The following WDR46 variants were observed in gnomAD, a reference collection of about 807,000 sequenced individuals.
The protein encoded by WDR46 is WD repeat-containing protein 46.
Under a neutral mutation model 74.7 loss-of-function variants are expected in WDR46, and 58 were observed. That is an observed-to-expected ratio of 0.78 (90% CI 0.63 to 0.97). The LOEUF (loss-of-function observed/expected upper bound fraction) is 0.97. WDR46 is among the 50% of genes least tolerant of loss of function. WDR46 has a pLI of 0.00. For missense variants in WDR46, 702 were observed against 790.1 expected (o/e 0.89, Z 1.34); for synonymous variants, 278 against 297.3 (o/e 0.93, Z 0.67).
In WDR46 at chr6:33,289,119, G is replaced by A; in HGVS notation, c.52C>T (p.Leu18Phe). 6.2e-7 allele frequency: 1 copy of A among 1,613,258 alleles called. No individual in the cohort carries two copies. The highest frequency in any genetic ancestry group is 8.5e-7 in the Non-Finnish European group (1 of 1,179,620). Residue 18 changes from leucine to phenylalanine, a missense_variant, in exon 1 of 15, where the codon CTT becomes TTT. Physicochemically the swap from Leu to Phe is conservative, Grantham distance 22. Coordinates refer to ENST00000374617, the MANE Select transcript of WDR46 (RefSeq NM_005452.6). ...GCCTCTACCTTTCTCTTGGTCTGAA[G>A]TTTGTCTTTCTTGGGCGGGACATCC... ...GKDVPPKKDK[L>F]QTKRKKPRRY...
At chr6:33,284,022 G>A (rs1766408491) in intron 10 of WDR46, among the ~76,000 whole-genome samples, 1 of 152,152 alleles carries the variant, frequency 6.6e-6, no homozygotes, top group South Asian at 2.1e-4. Flanking sequence ...GGCCGAAGCA[G>A]GTGGATCACG....
At chr6:33,280,632 C>A in intron 11 of WDR46, 42 bp downstream of exon 11, 1 of 1,595,088 alleles carries the variant, frequency 6.3e-7, no homozygotes. Context: ...AACTTCCACC[C>A]AGAGTTCATT....
At position 33,280,811 on chromosome 6, in the gene WDR46, T is replaced by TTGCCC. The variant is rs1302898077; in HGVS notation, c.1287_1291dup (p.Lys431ArgfsTer74). 1.2e-6 allele frequency: 2 copies of TTGCCC among 1,614,192 alleles called. No individual in the cohort carries two copies. Among genetic ancestry groups the TTGCCC allele is most frequent in the Admixed American group, 1.7e-5 (1 of 60,030 alleles). ...CTGTTCAAGGGAGGGTGGGCTGGCC[T>TTGCCC]TGCCCTGCCCTGCCCAGATGTTGAC... On this transcript the variant is annotated frameshift_variant, in exon 11 of 15. Transcript: ENST00000374617. LOFTEE classifies it high-confidence loss of function.
At chr6:33,282,106 T>G (rs1258276709) in intron 10 of WDR46, among the ~76,000 whole-genome samples, 1 of 151,952 alleles carries the variant, frequency 6.6e-6, no homozygotes, top group East Asian at 1.9e-4. Flanking sequence ...ACAGGTGAGG[T>G]TGGAGTTTCT....
At position 33,287,336 on chromosome 6, in the gene WDR46, G is replaced by C; in HGVS notation, c.879+19C>G. ...TCCCAAGGGCTTCCAACCAGTTCCT[G>C]AGCTCCATGGCCACTCACAGCTGTA... is the stretch of plus-strand genomic sequence containing the variant. On this transcript the variant is annotated intron_variant, in intron 8 of 14. Coordinates refer to ENST00000374617, the MANE Select transcript of WDR46 (RefSeq NM_005452.6). The C allele has an allele frequency of 1.2e-6, 2 of 1,612,872 alleles. No individual in the cohort carries two copies. Among genetic ancestry groups the C allele is most frequent in the Non-Finnish European group, 1.7e-6 (2 of 1,179,776 alleles).
intron 10 of WDR46, among the ~76,000 whole-genome samples, chr6:33,284,122 G>A (rs181576609): frequency 7.2e-5 from 11 of 151,800 alleles, no homozygotes; most frequent in South Asian, 6.3e-4. Flanking sequence ...GTTCGTGGGC[G>A]CCTGTAATCC....
chr6:33,280,571 C>G (rs1463729870), intron 11 of WDR46, 49 bp from the exon 12 acceptor site: 1 of 1,601,206 alleles, frequency 6.2e-7, no homozygotes, highest in African/African-American at 1.3e-5. Context: ...GAACCTCAGT[C>G]CAACAGCTCC....
rs1767004453 is a variant in WDR46, at chr6:33,289,016, A to G, written c.70-3T>C. On this transcript the variant is annotated splice_polypyrimidine_tract_variant and splice_region_variant and intron_variant, in intron 1 of 14. Coordinates refer to ENST00000374617, the MANE Select transcript of WDR46 (RefSeq NM_005452.6). ...TCCTCCCAGTATCGCCGCGGTTTCTACAGGCACATCAGGAACTCCGCACTC... is the reference window on the plus strand; with the variant it reads ...TCCTCCCAGTATCGCCGCGGTTTCTGCAGGCACATCAGGAACTCCGCACTC... 4 of 1,613,776 alleles carry G rather than the reference A, an allele frequency of 2.5e-6. No individual in the cohort carries two copies. The highest frequency in any genetic ancestry group is 3.3e-5 in the Admixed American group (2 of 59,970).
intron 13 of WDR46, 53 bp downstream of exon 13, chr6:33,279,711 G>A: frequency 6.2e-7 from 1 of 1,612,490 alleles, no homozygotes; most frequent in Non-Finnish European, 8.5e-7. Context: ...CCATGGTGGG[G>A]AGAGGATGTG....
intron 10 of WDR46, 152 bp from the exon 11 acceptor site, chr6:33,281,139 A>G: frequency 1.4e-6 from 1 of 737,512 alleles, no homozygotes; most frequent in Non-Finnish European, 2.2e-6. Flanking sequence ...GCATCCTCTC[A>G]GTTAAGCTGC....
rs1032331123 is a variant in WDR46, at chr6:33,287,983, T to C, written c.605A>G (p.Asn202Ser). ...NLRQFGPYRL[N>S]YSRTGRHLAF... ...ACCTTACCTTCCAGTTCGAGAGTAG[T>C]TTAGTCTGTAGGGTCCAAACTGCCG... The change falls in exon 6 of 15, where the codon AAC (asparagine) becomes AGC (serine). Residue 202 changes from asparagine (N) to serine (S), a missense_variant. Asn to Ser is a conservative substitution (Grantham distance 46). Transcript: ENST00000374617. 20 of 1,614,176 alleles carry C rather than the reference T, an allele frequency of 1.2e-5. No homozygotes were observed. The highest frequency in any genetic ancestry group is 1.6e-5 in the Non-Finnish European group (19 of 1,180,034).
rs529585564 is a variant in WDR46, at chr6:33,289,215, T to C, written c.-45A>G. 3.2e-6 allele frequency: 5 copies of C among 1,584,638 alleles called. No individual in the cohort carries two copies. The highest frequency in any genetic ancestry group is 3.4e-6 in the Non-Finnish European group (4 of 1,166,406). ...ATCCACGTGCAAAACTCCTCTCAGCTGCCACACAGTCGGCTTGAAAACTCC... is the reference window on the plus strand; with the variant it reads ...ATCCACGTGCAAAACTCCTCTCAGCCGCCACACAGTCGGCTTGAAAACTCC... On this transcript the variant is annotated 5_prime_UTR_variant, in exon 1 of 15. Transcript: ENST00000374617.
At chr6:33,288,766 G>A (rs377645989) in intron 2 of WDR46, 38 bp downstream of exon 2, 89 of 1,613,468 alleles carry the variant, frequency 5.5e-5, no homozygotes, top group Non-Finnish European at 7.4e-5. Flanking sequence ...CAAGGAACGA[G>A]GCGGCCTGCC....
At chr6:33,281,463 AG>A (rs1202929327) in intron 10 of WDR46, among the ~76,000 whole-genome samples, 1 of 152,242 alleles carries the variant, frequency 6.6e-6, no homozygotes, top group Non-Finnish European at 1.5e-5. Flanking sequence ...AAAAAATTAC[AG>A]GAAGTAGATA....
chr6:33,280,553 A>G (rs768569632), intron 11 of WDR46, 31 bp from the exon 12 acceptor site: 1 of 1,599,506 alleles, frequency 6.3e-7, no homozygotes, highest in South Asian at 1.1e-5. Context: ...GCATGGAGCC[A>G]TAAGGAAGAA....
Position 33,287,165 on chromosome 6 carries a change from T to C in WDR46, c.941A>G (p.Asn314Ser), listed in dbSNP as rs913436922. ...AACATCGAGCCGCCCAGCTCGAGCATTCAGAGCTGCCACAATCTTCCCCAC... is the reference window on the plus strand; with the variant it reads ...AACATCGAGCCGCCCAGCTCGAGCACTCAGAGCTGCCACAATCTTCCCCAC... ...VSVGKIVAALNARAGRLDVMS... is the reference protein window; with the variant it reads ...VSVGKIVAALSARAGRLDVMS... The change falls in exon 9 of 15, where the codon AAT (asparagine) becomes AGT (serine). Residue 314 changes from asparagine (N) to serine (S), a missense_variant. Asn to Ser is a conservative substitution (Grantham distance 46, BLOSUM62 1). Transcript: ENST00000374617. 8 of 1,613,814 alleles carry C rather than the reference T, an allele frequency of 5.0e-6. No individual in the cohort carries two copies. Among genetic ancestry groups the C allele is most frequent in the South Asian group, 1.1e-5 (1 of 91,048 alleles).
intron 10 of WDR46, among the ~76,000 whole-genome samples, chr6:33,283,869 G>A (rs1461565588): frequency 1.3e-5 from 2 of 152,118 alleles, no homozygotes; most frequent in African/African-American, 4.8e-5. Flanking sequence ...CTGCACTCCA[G>A]CCTGGGTGAT....
chr6:33,287,566 G>A, intron 7 of WDR46, 48 bp downstream of exon 7: 4 of 1,613,620 alleles, frequency 2.5e-6, no homozygotes, highest in South Asian at 1.1e-5. Context: ...ATTCAATCAG[G>A]AATGGACTAT....
rs1170011184 is a variant in WDR46, at chr6:33,287,392, A to G, written c.842T>C (p.Leu281Pro). 3 of 1,612,430 alleles carry G rather than the reference A, an allele frequency of 1.9e-6. No homozygotes were observed. The highest frequency in any genetic ancestry group is 2.2e-5 in the East Asian group (1 of 44,832). The change falls in exon 8 of 15, where the codon CTT becomes CCT. Residue 281 changes from leucine (L) to proline (P), a missense_variant. Leu to Pro is a moderately conservative substitution (Grantham distance 98, BLOSUM62 -3). Transcript: ENST00000374617. ...CIRRCDRVTR[L>P]EFLPFHFLLA... is the part of the protein sequence containing the mutation. ...GAGGAAGTGGAAGGGCAGGAACTCA[A>G]GCCGTGTTACTCGGTCACAGCGGCG...
Sources: gnomAD v4.1 joint callset for allele counts (sites outside exome capture counted in the v4.1 genomes callset) on GRCh38, gnomAD v4.1.1 for gene constraint, MANE v1.5 for transcripts, NCBI Gene and HGNC (gene_info 2026-07-23, HGNC 2026-07-21) for gene names.